Variants in RGS10 observed in about 807,000 individuals in gnomAD.
RGS10 encodes the protein regulator of G-protein signalling 10.
A neutral mutation model predicts 23.5 loss-of-function variants in RGS10; 11 were observed. That is an observed-to-expected ratio of 0.47 (90% CI 0.29 to 0.77). The LOEUF is 0.77. Among genes scored for constraint, RGS10 ranks in the 30% least tolerant of loss-of-function variants. The pLI, the probability that RGS10 is intolerant of heterozygous loss-of-function variation, is 0.08. For synonymous variants in RGS10, 77 were observed against 83.2 expected (o/e 0.92, Z 0.41); for missense variants, 180 against 226.3 (o/e 0.80, Z 1.31).
At chr10:119,509,602 T>C (rs1844054152) in intron 4 of RGS10, among the ~76,000 whole-genome samples, 1 of 151,790 alleles carries the variant, frequency 6.6e-6, no homozygotes, top group Non-Finnish European at 1.5e-5. Context: ...AAAATATATA[T>C]ATAAATAAAG....
At chr10:119,519,877 C>T (rs545873588) in intron 3 of RGS10, among the ~76,000 whole-genome samples, 1 of 152,360 alleles carries the variant, frequency 6.6e-6, no homozygotes, top group Non-Finnish European at 1.5e-5. Context: ...ATGTCCCCCC[C>T]AGATTTCAGA....
At chr10:119,501,914 T>C (rs1354202919) in intron 4 of RGS10, among the ~76,000 whole-genome samples, 1 of 151,796 alleles carries the variant, frequency 6.6e-6, no homozygotes, top group Admixed American at 6.6e-5. Context: ...ATAAACAGAG[T>C]CCACAACCCA....
At chr10:119,514,153 C>T (rs1460254479) in intron 4 of RGS10, among the ~76,000 whole-genome samples, 4 of 151,736 alleles carry the variant, frequency 2.6e-5, no homozygotes, top group African/African-American at 4.8e-5. Context: ...GCCAGGAGTT[C>T]GGGACCAGCC....
chr10:119,510,202 A>T (rs977366254), intron 4 of RGS10, among the ~76,000 whole-genome samples: 2 of 152,058 alleles, frequency 1.3e-5, no homozygotes, highest in Non-Finnish European at 2.9e-5. Context: ...ACATTCTATA[A>T]ACAGCCACTG....
intron 4 of RGS10, among the ~76,000 whole-genome samples, chr10:119,512,767 G>A (rs1411442174): frequency 6.6e-6 from 1 of 152,092 alleles, no homozygotes; most frequent in Non-Finnish European, 1.5e-5. Context: ...AGGCTGCTCT[G>A]GAACTCCTGA....
chr10:119,506,047 T>C (rs1844009043), intron 4 of RGS10, among the ~76,000 whole-genome samples: 1 of 152,150 alleles, frequency 6.6e-6, no homozygotes. Context: ...CTAGAATGCG[T>C]CCTCTCTTCA....
intron 4 of RGS10, 30 bp from the exon 5 acceptor site, chr10:119,500,289 G>A: frequency 1.3e-6 from 2 of 1,595,378 alleles, no homozygotes; most frequent in Non-Finnish European, 1.7e-6. Flanking sequence ...AGAGTCTGAA[G>A]GCTGAGGCTA....
Position 119,541,098 on chromosome 10 carries a change from C to T in RGS10, c.49+1492G>A, listed in dbSNP as rs116461425. 6.3e-3 allele frequency among the ~76,000 whole-genome samples: 959 copies of T among 152,316 alleles called. 10 individuals are homozygous for T. Among genetic ancestry groups the T allele is most frequent in the African/African-American group, 0.022 (919 of 41,570 alleles). On this transcript the variant is annotated intron_variant, in intron 1 of 4. Transcript: ENST00000369103. ...CTGGCTCTTGCAAGCCAGTTTGAGC[C>T]AGCTCCAGCACATCACTGAAACGGA... is the stretch of plus-strand genomic sequence containing the variant.
intron 4 of RGS10, among the ~76,000 whole-genome samples, chr10:119,504,230 C>T (rs538437379): frequency 6.6e-6 from 1 of 152,378 alleles, no homozygotes; most frequent in African/African-American, 2.4e-5. Flanking sequence ...CACTCTGTCA[C>T]CCAGGCTGGA....
intron 1 of RGS10, among the ~76,000 whole-genome samples, chr10:119,535,220 A>G (rs1029757334): frequency 6.6e-6 from 1 of 151,936 alleles, no homozygotes; most frequent in African/African-American, 2.4e-5. Flanking sequence ...GACCAAGAAC[A>G]ATCACACTTT....
At chr10:119,536,533 C>T (rs931418804) in intron 1 of RGS10, 2 of 1,599,630 alleles carry the variant, frequency 1.3e-6, no homozygotes, top group Non-Finnish European at 1.7e-6. Context: ...CCAGAGACGC[C>T]TTGTGTGAGA....
At position 119,517,674 on chromosome 10, in the gene RGS10, A is replaced by G. The variant is rs2133951506; in HGVS notation, c.256-2022T>C. 6.6e-6 allele frequency among the ~76,000 whole-genome samples: 1 copy of G among 152,316 alleles called. No homozygotes were observed. Among genetic ancestry groups the G allele is most frequent in the East Asian group, 1.9e-4 (1 of 5,184 alleles). On this transcript the variant is annotated intron_variant, in intron 3 of 4. Transcript: ENST00000369103. This position sits in a 1 kb window ranked among gnomAD's most constrained non-coding sequence, Gnocchi z 5.0. ...CCTCCTCCCCTTGACATTCACACGC[A>G]CACACACACGCACACACGTGCACAC...
intron 1 of RGS10, among the ~76,000 whole-genome samples, chr10:119,534,412 G>A (rs530971862): frequency 2.7e-5 from 4 of 150,508 alleles, no homozygotes; most frequent in African/African-American, 9.7e-5. Flanking sequence ...ACAATACGAT[G>A]AAACCCTGTC....
In RGS10 at chr10:119,528,262, C is replaced by T. The variant is rs540500683; in HGVS notation, c.50-838G>A. 1.8e-4 allele frequency among the ~76,000 whole-genome samples: 28 copies of T among 152,212 alleles called. 2 individuals carry two copies. In the East Asian group the frequency reaches 5.4e-3, roughly 30 times the overall value. On this transcript the variant is annotated intron_variant, in intron 1 of 4. Coordinates refer to ENST00000369103, the MANE Select transcript of RGS10 (RefSeq NM_001005339.2). ...GCCAGGCTGGTCTCGAACTCTTGACCTCAGGTGATCCACCCACCTCGGCCT... is the reference window on the plus strand; with the variant it reads ...GCCAGGCTGGTCTCGAACTCTTGACTTCAGGTGATCCACCCACCTCGGCCT...
At chr10:119,519,009 A>G (rs73362856) in intron 3 of RGS10, among the ~76,000 whole-genome samples, 4,735 of 152,210 alleles carry the variant, frequency 0.031, 212 homozygotes, top group African/African-American at 0.094. Context: ...CCTAGTCTCC[A>G]ATTCCTTTTT....
At chr10:119,505,533 G>A (rs952069496) in intron 4 of RGS10, among the ~76,000 whole-genome samples, 3 of 151,980 alleles carry the variant, frequency 2.0e-5, no homozygotes, top group South Asian at 4.2e-4. Flanking sequence ...CTGCACAACC[G>A]TCCTGCAGAA....
Position 119,533,648 on chromosome 10 carries a change from G to A in RGS10, c.50-6224C>T, listed in dbSNP as rs1844355369. 2.0e-5 allele frequency among the ~76,000 whole-genome samples: 3 copies of A among 152,112 alleles called. No individual in the cohort carries two copies. In the South Asian group the frequency reaches 6.2e-4, roughly 31 times the overall value. ...TCAGACAGATTACACAAGAAAGCAGGACTGACATGAATAGGTGGAAAAAAT... is the reference window on the plus strand; with the variant it reads ...TCAGACAGATTACACAAGAAAGCAGAACTGACATGAATAGGTGGAAAAAAT... On this transcript the variant is annotated intron_variant, in intron 1 of 4. Transcript: ENST00000369103.
intron 4 of RGS10, among the ~76,000 whole-genome samples, chr10:119,502,711 G>A (rs188952889): frequency 1.4e-4 from 21 of 152,242 alleles, no homozygotes; most frequent in African/African-American, 4.8e-4. Context: ...AAGCCTGAGG[G>A]GAGGGGGCTG....
At chr10:119,500,865 T>C (rs1163449142) in intron 4 of RGS10, among the ~76,000 whole-genome samples, 2 of 152,102 alleles carry the variant, frequency 1.3e-5, no homozygotes, top group South Asian at 2.1e-4. Context: ...TGCCAACATC[T>C]GTGCCATCAG....
Sources: allele counts gnomAD v4.1 joint callset (sites outside exome capture counted in the v4.1 genomes callset), GRCh38; gene constraint gnomAD v4.1.1; non-coding constraint Gnocchi (gnomAD v3.1); transcripts MANE v1.5; gene names NCBI Gene and HGNC (gene_info 2026-07-23, HGNC 2026-07-21).